Variants in RORA observed in about 807,000 individuals in gnomAD.
RORA encodes the protein nuclear receptor ROR-alpha.
A neutral mutation model predicts 69.5 loss-of-function variants in RORA; 7 were observed. The ratio of observed to expected loss-of-function variants is 0.10; its 90% CI spans 0.06 to 0.19. RORA has a LOEUF of 0.19. Among genes scored for constraint, RORA ranks in the 10% least tolerant of loss-of-function variants. The pLI, the probability that RORA is intolerant of heterozygous loss-of-function variation, is 1.00. For missense variants in RORA, 457 were observed against 663.0 expected (o/e 0.69, Z 3.41); for synonymous variants, 261 against 240.8 (o/e 1.08, Z -0.78).
intron 1 of RORA, among the ~76,000 whole-genome samples, chr15:60,761,390 T>C (rs1261630388): frequency 6.6e-6 from 1 of 152,112 alleles, no homozygotes; most frequent in Admixed American, 6.5e-5. Flanking sequence ...GAAGGCACTT[T>C]AGGATCCTGT....
intron 2 of RORA, among the ~76,000 whole-genome samples, chr15:60,532,332 A>G (rs375674508): frequency 6.6e-6 from 1 of 152,226 alleles, no homozygotes; most frequent in African/African-American, 2.4e-5. Flanking sequence ...GTTACATATG[A>G]TAAGAATTCC....
chr15:60,986,183 G>A (rs1894196724), intron 1 of RORA, among the ~76,000 whole-genome samples: 1 of 151,978 alleles, frequency 6.6e-6, no homozygotes, highest in East Asian at 1.9e-4. Context: ...ACCCAGGCTG[G>A]AGTGCAGTGG....
At chr15:61,058,393 G>C (rs1276108080) in intron 1 of RORA, among the ~76,000 whole-genome samples, 1 of 152,208 alleles carries the variant, frequency 6.6e-6, no homozygotes, top group East Asian at 1.9e-4. Context: ...ATGTTTTAGG[G>C]AACATTAATC....
At chr15:60,981,451 T>A (rs1183116780) in intron 1 of RORA, among the ~76,000 whole-genome samples, 1 of 152,132 alleles carries the variant, frequency 6.6e-6, no homozygotes, top group Non-Finnish European at 1.5e-5. Flanking sequence ...TTGATGGGCT[T>A]AATGTCCTCC....
chr15:60,994,248 G>C (rs1239886433), intron 1 of RORA, among the ~76,000 whole-genome samples: 2 of 152,182 alleles, frequency 1.3e-5, no homozygotes, highest in African/African-American at 4.8e-5. Context: ...CACTAATCCT[G>C]ATGGGAAAAG....
chr15:60,501,333 C>A (rs1378019984), intron 8 of RORA, among the ~76,000 whole-genome samples: 1 of 152,158 alleles, frequency 6.6e-6, no homozygotes, highest in Non-Finnish European at 1.5e-5. Context: ...CCACTGTCAT[C>A]CTCATTGAAA....
At chr15:61,150,891 T>C (rs1213683090) in intron 1 of RORA, among the ~76,000 whole-genome samples, 2 of 152,220 alleles carry the variant, frequency 1.3e-5, no homozygotes, top group African/African-American at 4.8e-5. Context: ...TGCCCTTTGG[T>C]GCTTTCATTT....
intron 2 of RORA, chr15:60,593,263 C>G (rs931298159): frequency 1.2e-5 from 2 of 167,552 alleles, no homozygotes; most frequent in Non-Finnish European, 2.6e-5. Flanking sequence ...CCACTGATAC[C>G]TGCAAGGAAA....
intron 2 of RORA, among the ~76,000 whole-genome samples, chr15:60,673,256 G>A (rs1311676794): frequency 6.6e-6 from 1 of 152,224 alleles, no homozygotes; most frequent in East Asian, 1.9e-4. Context: ...TCCTCGCCAT[G>A]AACTGTGGGC....
chr15:60,838,843 A>AACACACACACAC (rs58762022), intron 1 of RORA, among the ~76,000 whole-genome samples: 99 of 122,102 alleles, frequency 8.1e-4, no homozygotes, highest in African/African-American at 2.4e-3. Flanking sequence ...ACATTCATTC[A>AACACACACACAC]ACACACACAC....
intron 2 of RORA, among the ~76,000 whole-genome samples, chr15:60,649,250 A>T (rs1486339589): frequency 6.6e-6 from 1 of 152,064 alleles, no homozygotes; most frequent in Admixed American, 6.6e-5. Context: ...GGAAAAAAAA[A>T]AAAAATCCCC....
At chr15:60,719,526 C>T (rs113493442) in intron 1 of RORA, among the ~76,000 whole-genome samples, 212 of 152,212 alleles carry the variant, frequency 1.4e-3, no homozygotes, top group African/African-American at 4.8e-3. Flanking sequence ...TGACTCTTGC[C>T]GTGAAATGCA....
At chr15:61,163,774 C>T (rs754471677) in intron 1 of RORA, among the ~76,000 whole-genome samples, 2 of 152,186 alleles carry the variant, frequency 1.3e-5, no homozygotes, top group Non-Finnish European at 2.9e-5. Flanking sequence ...AGCTCGCACA[C>T]AATCACACAC....
At chr15:60,546,056 C>G (rs1191189486) in intron 2 of RORA, among the ~76,000 whole-genome samples, 2 of 152,176 alleles carry the variant, frequency 1.3e-5, no homozygotes, top group African/African-American at 4.8e-5. Context: ...GTGGAACCAT[C>G]CGTTCCACCT....
Position 60,494,447 on chromosome 15 carries a change from T to C in RORA, c.*3008A>G, listed in dbSNP as rs1360376807. 6.6e-6 allele frequency: 1 copy of C among 152,374 alleles called. No homozygotes were observed. Among genetic ancestry groups the C allele is most frequent in the East Asian group, 1.9e-4 (1 of 5,194 alleles). 9.4% of individuals were successfully genotyped at this position (152,374 alleles called of 1,614,324 possible). A position where few individuals can be genotyped will look rare whatever the true frequency, so the allele number is the denominator to read the frequency against. On this transcript the variant is annotated 3_prime_UTR_variant, in exon 11 of 11. Transcript: ENST00000335670. The stretch of plus-strand genomic sequence containing the variant: ...TATTGGAGACTGAAGTTTAGGAAAC[T>C]TTAATTATAAAAACTATTAAGGATA...
At chr15:60,847,000 T>A (rs2073273613) in intron 1 of RORA, among the ~76,000 whole-genome samples, 1 of 152,188 alleles carries the variant, frequency 6.6e-6, no homozygotes, top group Non-Finnish European at 1.5e-5. Context: ...GCTATACTTT[T>A]ATGGTTAATA....
intron 1 of RORA, among the ~76,000 whole-genome samples, chr15:61,136,991 A>T (rs933026065): frequency 2.0e-5 from 3 of 150,468 alleles, no homozygotes; most frequent in Non-Finnish European, 2.9e-5. Flanking sequence ...ACCAAAGCTG[A>T]TAAGAGTCCC....
chr15:60,868,678 C>T (rs921215939), intron 1 of RORA, among the ~76,000 whole-genome samples: 1 of 152,020 alleles, frequency 6.6e-6, no homozygotes, highest in Non-Finnish European at 1.5e-5. Context: ...TCCATTCAAT[C>T]AGAGATGGCA....
chr15:61,059,938 G>GAAC (rs1163134628), intron 1 of RORA, among the ~76,000 whole-genome samples: 1 of 126,220 alleles, frequency 7.9e-6, no homozygotes, highest in African/African-American at 3.1e-5. Flanking sequence ...AGAAGAACAA[G>GAAC]AAGAAGAAGA....
Sources: gnomAD v4.1 joint callset for allele counts (sites outside exome capture counted in the v4.1 genomes callset) on GRCh38, gnomAD v4.1.1 for gene constraint, MANE v1.5 for transcripts, NCBI Gene and HGNC (gene_info 2026-07-23, HGNC 2026-07-21) for gene names.